The following AKAP19 variants were observed in gnomAD, a reference collection of about 807,000 sequenced individuals.
The protein encoded by AKAP19 is small A-kinase anchoring protein.
chr2:189,940,427 C>CGGG, the AKAP19 span, among the ~76,000 whole-genome samples: 105 of 149,944 alleles, frequency 7.0e-4, no homozygotes, highest in Admixed American at 4.1e-3. Flanking sequence ...GCCTGGGCAA[C>CGGG]GGGGGGGAAA....
At chr2:190,037,599 GT>G in the AKAP19 span, among the ~76,000 whole-genome samples, 3 of 152,200 alleles carry the variant, frequency 2.0e-5, no homozygotes, top group Middle Eastern at 3.2e-3. Flanking sequence ...GGTAAGAACA[GT>G]TTAAAAGGAC....
the AKAP19 span, among the ~76,000 whole-genome samples, chr2:189,992,946 A>G: frequency 5.9e-5 from 9 of 152,360 alleles, no homozygotes; most frequent in East Asian, 1.3e-3. Flanking sequence ...TAGTTATACA[A>G]TCATATCATT....
chr2:189,941,338 G>T, the AKAP19 span, among the ~76,000 whole-genome samples: 1 of 152,164 alleles, frequency 6.6e-6, no homozygotes, highest in Non-Finnish European at 1.5e-5. Flanking sequence ...TGTAATTGTG[G>T]TGTGAGATCC....
At chr2:189,948,241 CA>C in the AKAP19 span, among the ~76,000 whole-genome samples, 1 of 152,116 alleles carries the variant, frequency 6.6e-6, no homozygotes, top group South Asian at 2.1e-4. Context: ...CTTAGAGGGT[CA>C]AAAAATTAAT....
chr2:190,140,570 C>T, the AKAP19 span, among the ~76,000 whole-genome samples: 1 of 152,312 alleles, frequency 6.6e-6, no homozygotes, highest in East Asian at 1.9e-4. Flanking sequence ...AGCTTGCACC[C>T]TCTGAAGCCA....
At chr2:189,892,331 T>C in the AKAP19 span, among the ~76,000 whole-genome samples, 1 of 152,162 alleles carries the variant, frequency 6.6e-6, no homozygotes, top group South Asian at 2.1e-4. Flanking sequence ...TTTTGGAATT[T>C]TCAGCCTTTT....
At chr2:189,934,791 A>G in the AKAP19 span, among the ~76,000 whole-genome samples, 2 of 151,880 alleles carry the variant, frequency 1.3e-5, no homozygotes, top group Non-Finnish European at 1.5e-5. Flanking sequence ...TGTTTTTACA[A>G]TTCAAGTCTT....
At chr2:190,153,175 A>G in the AKAP19 span, among the ~76,000 whole-genome samples, 30 of 152,294 alleles carry the variant, frequency 2.0e-4, no homozygotes, top group East Asian at 1.2e-3. Context: ...GATTACAGGC[A>G]TGAGCCACCG....
At chr2:189,892,348 G>A in the AKAP19 span, among the ~76,000 whole-genome samples, 1 of 152,082 alleles carries the variant, frequency 6.6e-6, no homozygotes, top group African/African-American at 2.4e-5. Flanking sequence ...TTTTTGCACT[G>A]GGTTTTTCTC....
chr2:189,959,683 T>TAATTGTAAACTTAGG, the AKAP19 span, among the ~76,000 whole-genome samples: 1 of 152,212 alleles, frequency 6.6e-6, no homozygotes, highest in Non-Finnish European at 1.5e-5. Flanking sequence ...ACACTAGTAG[T>TAATTGTAAACTTAGG]AATTGTAAAC....
At chr2:189,969,479 A>C in the AKAP19 span, among the ~76,000 whole-genome samples, 19 of 152,214 alleles carry the variant, frequency 1.2e-4, no homozygotes, top group South Asian at 3.9e-3. Flanking sequence ...TAAAAATGAT[A>C]AAATTTCTTG....
At chr2:190,081,433 T>C in the AKAP19 span, among the ~76,000 whole-genome samples, 2 of 152,158 alleles carry the variant, frequency 1.3e-5, no homozygotes, top group Admixed American at 6.5e-5. Context: ...TTCCAGAGAA[T>C]TGTTTTGTGG....
At chr2:189,926,716 G>C in the AKAP19 span, among the ~76,000 whole-genome samples, 26 of 150,542 alleles carry the variant, frequency 1.7e-4, no homozygotes, top group South Asian at 1.3e-3. Flanking sequence ...GAGTAGCTGG[G>C]GCTACAGGCG....
the AKAP19 span, among the ~76,000 whole-genome samples, chr2:189,938,262 G>C: frequency 6.6e-6 from 1 of 151,632 alleles, no homozygotes; most frequent in Admixed American, 6.6e-5. Flanking sequence ...CTTGAACCCA[G>C]GAAGTAGAGG....
At chr2:190,070,612 T>TCCC in the AKAP19 span, among the ~76,000 whole-genome samples, 1 of 131,944 alleles carries the variant, frequency 7.6e-6, no homozygotes, top group Admixed American at 7.2e-5. Context: ...TTTCCCTCTC[T>TCCC]CTCCCCCCCC....
the AKAP19 span, among the ~76,000 whole-genome samples, chr2:190,044,111 T>C: frequency 8.5e-5 from 13 of 152,152 alleles, no homozygotes; most frequent in African/African-American, 3.1e-4. Context: ...TTTGAAAGTG[T>C]GGGTTCCTTT....
At chr2:189,937,793 C>T in the AKAP19 span, among the ~76,000 whole-genome samples, 1 of 152,162 alleles carries the variant, frequency 6.6e-6, no homozygotes, top group South Asian at 2.1e-4. Flanking sequence ...AAAGGGAACC[C>T]TCATACACTG....
the AKAP19 span, among the ~76,000 whole-genome samples, chr2:190,123,494 T>C: frequency 6.6e-6 from 1 of 152,178 alleles, no homozygotes; most frequent in East Asian, 1.9e-4. Flanking sequence ...CAAAAGATAA[T>C]ATTATTAGCT....
At chr2:189,935,397 G>T in the AKAP19 span, among the ~76,000 whole-genome samples, 132 of 152,002 alleles carry the variant, frequency 8.7e-4, no homozygotes, top group Middle Eastern at 3.4e-3. Flanking sequence ...AGTAAATATC[G>T]AAAAGATAAT....
Sources: gnomAD v4.1 joint callset for allele counts (sites outside exome capture counted in the v4.1 genomes callset) on GRCh38, gnomAD v4.1.1 for gene constraint, MANE v1.5 for transcripts, NCBI Gene and HGNC (gene_info 2026-07-23, HGNC 2026-07-21) for gene names.